The following RNF212B variants were observed in gnomAD, a reference collection of about 807,000 sequenced individuals.
RNF212B encodes E3 ubiquitin-protein ligase RNF212B.
A neutral mutation model predicts 55.5 loss-of-function variants in RNF212B; 52 were observed. The observed-to-expected ratio is 0.94, with a 90% confidence interval of 0.75 to 1.18. The LOEUF is 1.18. Ranked by LOEUF, RNF212B falls within the 50% of genes most tolerant of loss-of-function variation. RNF212B has a pLI of 0.00. For synonymous variants in RNF212B, 99 were observed against 121.4 expected (o/e 0.82, Z 1.21); for missense variants, 289 against 350.4 (o/e 0.82, Z 1.40).
intron 9 of RNF212B, among the ~76,000 whole-genome samples, chr14:23,263,450 C>T (rs1027160143): frequency 2.0e-5 from 3 of 152,194 alleles, no homozygotes; most frequent in African/African-American, 4.8e-5. Flanking sequence ...AGTGGCATCA[C>T]TGGAAAGTCC....
intron 1 of RNF212B, among the ~76,000 whole-genome samples, chr14:23,189,143 A>G (rs536998366): frequency 6.6e-5 from 10 of 152,214 alleles, no homozygotes; most frequent in African/African-American, 1.9e-4. Flanking sequence ...GACCTTTCCA[A>G]TTACCTGCTC....
At chr14:23,208,223 CAA>C (rs1329286240) in intron 2 of RNF212B, among the ~76,000 whole-genome samples, 3 of 152,280 alleles carry the variant, frequency 2.0e-5, no homozygotes, top group Non-Finnish European at 4.4e-5. Flanking sequence ...TGGCACATTT[CAA>C]AAGACTTAGG....
intron 2 of RNF212B, among the ~76,000 whole-genome samples, chr14:23,210,853 C>A (rs1880440646): frequency 6.7e-6 from 1 of 148,246 alleles, no homozygotes; most frequent in African/African-American, 2.5e-5. Context: ...TATCCAGGAA[C>A]TCTCTGTACT....
At chr14:23,208,452 A>C (rs1566397003) in intron 2 of RNF212B, among the ~76,000 whole-genome samples, 1 of 152,162 alleles carries the variant, frequency 6.6e-6, no homozygotes, top group Non-Finnish European at 1.5e-5. Context: ...AGCTATGATC[A>C]CACTGCACTC....
intron 4 of RNF212B, among the ~76,000 whole-genome samples, chr14:23,256,684 AT>A: frequency 6.6e-6 from 1 of 151,950 alleles, no homozygotes; most frequent in East Asian, 1.9e-4. Flanking sequence ...CTCTATTCAA[AT>A]TTTCTAAAAT....
At chr14:23,259,292 A>G (rs564493885) in intron 5 of RNF212B, among the ~76,000 whole-genome samples, 13 of 151,680 alleles carry the variant, frequency 8.6e-5, no homozygotes, top group Non-Finnish European at 1.5e-4. Flanking sequence ...GGGCTCAAGC[A>G]ATCCTCCCAC....
chr14:23,247,792 G>C (rs149348041), intron 4 of RNF212B, among the ~76,000 whole-genome samples: 2 of 152,030 alleles, frequency 1.3e-5, no homozygotes, highest in Non-Finnish European at 2.9e-5. Context: ...ATATACCTAC[G>C]AGTGGAATTT....
chr14:23,248,745 G>A (rs968409229), intron 4 of RNF212B, among the ~76,000 whole-genome samples: 1 of 152,002 alleles, frequency 6.6e-6, no homozygotes. Flanking sequence ...CGGCCCCCAA[G>A]CCTCTTTTTA....
intron 1 of RNF212B, among the ~76,000 whole-genome samples, chr14:23,191,119 C>T (rs996292525): frequency 1.3e-5 from 2 of 152,116 alleles, no homozygotes; most frequent in Non-Finnish European, 1.5e-5. Flanking sequence ...TTTGGGAGGC[C>T]GAGGTGGGTG....
chr14:23,213,998 C>T (rs1407708657), intron 2 of RNF212B, among the ~76,000 whole-genome samples: 2 of 152,106 alleles, frequency 1.3e-5, no homozygotes, highest in African/African-American at 4.8e-5. Flanking sequence ...TTGGGTGTAC[C>T]TGTAGTCCTA....
intron 2 of RNF212B, among the ~76,000 whole-genome samples, chr14:23,193,853 T>C (rs1278398397): frequency 2.6e-5 from 4 of 152,158 alleles, no homozygotes; most frequent in African/African-American, 4.8e-5. Flanking sequence ...ATCTTTCTTT[T>C]TTTCTGAGAT....
chr14:23,229,306 T>C (rs1882352886), intron 2 of RNF212B, among the ~76,000 whole-genome samples: 1 of 143,590 alleles, frequency 7.0e-6, no homozygotes, highest in Admixed American at 7.3e-5. Flanking sequence ...ATTTGTGTTG[T>C]TTCTATCTTT....
chr14:23,202,262 A>G (rs987914109), intron 2 of RNF212B, among the ~76,000 whole-genome samples: 2 of 151,986 alleles, frequency 1.3e-5, no homozygotes, highest in Non-Finnish European at 2.9e-5. Context: ...AAAAAAAAAA[A>G]AAAAAAGCAG....
At chr14:23,261,744 G>A (rs549853123) in intron 7 of RNF212B, among the ~76,000 whole-genome samples, 1 of 152,268 alleles carries the variant, frequency 6.6e-6, no homozygotes, top group African/African-American at 2.4e-5. Flanking sequence ...GGCGGATCAT[G>A]GGGTCAGGAG....
intron 2 of RNF212B, among the ~76,000 whole-genome samples, chr14:23,231,273 A>T (rs945646795): frequency 3.9e-5 from 6 of 152,320 alleles, no homozygotes; most frequent in Admixed American, 2.0e-4. Flanking sequence ...GATTAAATTT[A>T]TTCCTAAATA....
Position 23,240,340 on chromosome 14 carries a change from T to C in RNF212B, c.-1-5T>C. 1 of 1,537,254 alleles carries C rather than the reference T, an allele frequency of 6.5e-7. No homozygotes were observed. Among genetic ancestry groups the C allele is most frequent in the East Asian group, 2.4e-5 (1 of 40,836 alleles). ...ATTCTTACTCTTTCTCTTTATCTGC[T>C]CCAGAATGGATTGGTTTCATTGCAA... is the stretch of plus-strand genomic sequence containing the variant. On this transcript the variant is annotated splice_region_variant and splice_polypyrimidine_tract_variant and intron_variant, in intron 1 of 14. Coordinates refer to ENST00000430154, the MANE Select transcript of RNF212B (RefSeq NM_001282322.3).
chr14:23,255,530 A>C (rs1024503512), intron 4 of RNF212B, among the ~76,000 whole-genome samples: 1 of 152,190 alleles, frequency 6.6e-6, no homozygotes, highest in African/African-American at 2.4e-5. Context: ...GACAATGTTA[A>C]GTGTTATCAT....
At chr14:23,204,931 C>A (rs899315932) in intron 2 of RNF212B, among the ~76,000 whole-genome samples, 2 of 152,034 alleles carry the variant, frequency 1.3e-5, no homozygotes, top group Non-Finnish European at 2.9e-5. Flanking sequence ...TAGAGGTCAA[C>A]AAGGACTTTA....
chr14:23,258,328 A>T (rs1885005862), intron 4 of RNF212B, among the ~76,000 whole-genome samples: 1 of 137,362 alleles, frequency 7.3e-6, no homozygotes, highest in African/African-American at 2.9e-5. Flanking sequence ...ACAATAGCGA[A>T]ACTCTGTCTC....
Sources: allele counts gnomAD v4.1 joint callset (sites outside exome capture counted in the v4.1 genomes callset), GRCh38; gene constraint gnomAD v4.1.1; transcripts MANE v1.5; gene names NCBI Gene and HGNC (gene_info 2026-07-23, HGNC 2026-07-21).